Variants in N4BP2 observed in about 807,000 individuals in gnomAD.
The protein encoded by N4BP2 is NEDD4 binding protein 2, also known as NEDD4-binding protein 2.
A neutral mutation model predicts 152.8 loss-of-function variants in N4BP2; 91 were observed. The ratio of observed to expected loss-of-function variants is 0.60; its 90% CI spans 0.50 to 0.71. The LOEUF is 0.71. N4BP2 is among the 30% of genes least tolerant of loss of function. The pLI is 0.00. For missense variants in N4BP2, 1,923 were observed against 2,059.1 expected, an observed-to-expected ratio of 0.93 and a Z score of 1.28; for synonymous variants, 646 against 705.3, an observed-to-expected ratio of 0.92 and a Z score of 1.33.
Position 40,123,242 on chromosome 4 carries a change from C to A in N4BP2, c.4284+30C>A, listed in dbSNP as rs777200794. ...GTAGGCTTCTTTTTATAAAGAGCTC[C>A]TTTTTTGTCCATTTTGAACCTTTGA... On this transcript the variant is annotated intron_variant, in intron 10 of 17. Coordinates refer to ENST00000261435, the MANE Select transcript of N4BP2 (RefSeq NM_018177.6). 5.6e-6 allele frequency: 8 copies of A among 1,422,120 alleles called. No homozygotes were observed. In the African/African-American group the frequency reaches 9.9e-5, roughly 18 times the overall value. The allele number at this position is 1,422,120 out of a possible 1,614,324, so 88.1% of individuals were successfully genotyped here.
chr4:40,182,515 A>G, the N4BP2 span, among the ~76,000 whole-genome samples: 1 of 151,936 alleles, frequency 6.6e-6, no homozygotes, highest in Non-Finnish European at 1.5e-5. Flanking sequence ...CAGTGGCGGG[A>G]ACACAGCTCA....
In N4BP2 at chr4:40,120,264, G is replaced by A. The variant is rs1307273107; in HGVS notation, c.2153G>A (p.Ser718Asn). 1.2e-6 allele frequency: 2 copies of A among 1,613,764 alleles called. No homozygotes were observed. Among genetic ancestry groups the A allele is most frequent in the African/African-American group, 1.3e-5 (1 of 74,928 alleles). Reference protein sequence around the residue: ...VKGYSKTDTDSSMERVSPSTC... With the variant: ...VKGYSKTDTDNSMERVSPSTC... The stretch of plus-strand genomic sequence containing the variant: ...GGGTATAGTAAAACTGACACAGATA[G>A]TTCTATGGAGAGAGTATCACCTAGT... Residue 718 changes from serine (S) to asparagine (N), a missense_variant, in exon 9 of 18, where the codon AGT (serine) becomes AAT (asparagine). By Grantham distance (46) the Ser-to-Asn change is conservative. Transcript: ENST00000261435.
At chr4:40,139,881 G>A (rs1719757421) in intron 14 of N4BP2, among the ~76,000 whole-genome samples, 1 of 143,982 alleles carries the variant, frequency 6.9e-6, no homozygotes, top group South Asian at 2.2e-4. Flanking sequence ...CTGGAGTGCA[G>A]TGGCAGGATC....
At chr4:40,085,797 A>C (rs1713883426) in intron 2 of N4BP2, among the ~76,000 whole-genome samples, 2 of 152,122 alleles carry the variant, frequency 1.3e-5, no homozygotes, top group South Asian at 2.1e-4. Context: ...AGTGCTGTTG[A>C]TAGGTCTAGA....
chr4:40,170,489 C>A, the N4BP2 span, among the ~76,000 whole-genome samples: 8 of 152,104 alleles, frequency 5.3e-5, no homozygotes, highest in Non-Finnish European at 7.4e-5. Context: ...TGTGGTGGTG[C>A]GTGCCTTTAG....
At chr4:40,117,001 A>G (rs1325097833) in intron 7 of N4BP2, among the ~76,000 whole-genome samples, 1 of 152,078 alleles carries the variant, frequency 6.6e-6, no homozygotes, top group Non-Finnish European at 1.5e-5. Context: ...GTTGCTTTTA[A>G]TATCATCTCT....
rs192828996 is a variant in N4BP2 at position 40,118,289 on chromosome 4, G to A, written c.1820+265G>A. Among the ~76,000 whole-genome samples the A allele has an allele frequency of 1.3e-4, 20 of 152,266 alleles. No homozygotes were observed. The East Asian group carries it at 3.3e-3, about 25-fold the overall frequency. On this transcript the variant is annotated intron_variant, in intron 8 of 17. Coordinates refer to ENST00000261435, the MANE Select transcript of N4BP2 (RefSeq NM_018177.6). ...AAAATTAGCCTGGCTGGTGGCGCAT[G>A]CCTGCAATCTCAGCTGCTTGGGAGG...
Position 40,120,038 on chromosome 4 carries a change from G to A in N4BP2, c.1927G>A (p.Glu643Lys). The change falls in exon 9 of 18, where the codon GAA becomes AAA. Residue 643 changes from glutamate to lysine, a missense_variant. Transcript: ENST00000261435. Reference protein sequence around the residue: ...TEEKNLDVTKETMLPENVAYL... With the variant: ...TEEKNLDVTKKTMLPENVAYL... ...AGAGAAGAATCTTGATGTAACCAAA[G>A]AAACAATGTTACCTGAGAATGTTGC... The A allele has an allele frequency of 6.2e-7, 1 of 1,605,158 alleles. No individual in the cohort carries two copies. The highest frequency in any genetic ancestry group is 8.5e-7 in the Non-Finnish European group (1 of 1,172,678).
chr4:40,092,609 T>G (rs1307338558), intron 2 of N4BP2, among the ~76,000 whole-genome samples: 2 of 151,836 alleles, frequency 1.3e-5, no homozygotes, highest in Non-Finnish European at 2.9e-5. Context: ...CATTATTTTC[T>G]GTTTCCAATG....
rs1391054201 is a variant in N4BP2, at chr4:40,120,305, A to G, written c.2194A>G (p.Asn732Asp). 1 of 1,612,766 alleles carries G rather than the reference A, an allele frequency of 6.2e-7. No individual in the cohort carries two copies. Among genetic ancestry groups the G allele is most frequent in the Admixed American group, 1.7e-5 (1 of 59,536 alleles). ...ATCACCTAGTACTTGCTGTAGTGAA[A>G]ATAATCAAGAAGACTGTGATCTTGC... ...RVSPSTCCSE[N>D]NQEDCDLANS... Residue 732 changes from asparagine to aspartate, a missense_variant, in exon 9 of 18, where the codon AAT (asparagine) becomes GAT (aspartate). By Grantham distance (23) the Asn-to-Asp change is conservative. Transcript: ENST00000261435.
rs1419935901 is a variant in N4BP2, at chr4:40,057,861, C to T, written c.-212+831C>T. Among the ~76,000 whole-genome samples the T allele has an allele frequency of 4.6e-5, 7 of 152,166 alleles. No homozygotes were observed. The East Asian group carries it at 9.7e-4, about 21-fold the overall frequency. ...TGTTGGCTTCAAAGGCTCTTCCTTT[C>T]GGCGGCAGTCTTTGTAACTAGGATC... On this transcript the variant is annotated intron_variant, in intron 1 of 17. Transcript: ENST00000261435.
chr4:40,095,246 A>T (rs1034359835), intron 2 of N4BP2, among the ~76,000 whole-genome samples: 2 of 151,880 alleles, frequency 1.3e-5, no homozygotes, highest in East Asian at 1.9e-4. Context: ...ACGCCTGGCT[A>T]ATTTTTGTAT....
chr4:40,162,128 G>A (rs1579180250), downstream of N4BP2, among the ~76,000 whole-genome samples: 1 of 152,170 alleles, frequency 6.6e-6, no homozygotes, highest in Non-Finnish European at 1.5e-5. Flanking sequence ...AGAAACTATT[G>A]TATTCTAATA....
Position 40,117,854 on chromosome 4 carries a change from C to A in N4BP2, c.1665-15C>A. 6.3e-7 allele frequency: 1 copy of A among 1,576,152 alleles called. No individual in the cohort carries two copies. The highest frequency in any genetic ancestry group is 8.6e-7 in the Non-Finnish European group (1 of 1,163,330). ...TCAATATTCCTTCAACCCTTTTTTC[C>A]CCTGGAATTTTCAGGCGTAACATTC... is the stretch of plus-strand genomic sequence containing the variant. On this transcript the variant is annotated splice_polypyrimidine_tract_variant and intron_variant, in intron 7 of 17. Transcript: ENST00000261435.
chr4:40,108,636 A>G (rs187294245), intron 5 of N4BP2, among the ~76,000 whole-genome samples: 17 of 145,674 alleles, frequency 1.2e-4, no homozygotes, highest in Admixed American at 6.8e-4. Context: ...TTTATGGAAG[A>G]TAGTGTGAGA....
chr4:40,148,063 G>T (rs1281347168), intron 16 of N4BP2, among the ~76,000 whole-genome samples: 1 of 152,238 alleles, frequency 6.6e-6, no homozygotes, highest in Non-Finnish European at 1.5e-5. Context: ...CCGGGCAGAG[G>T]CTGCAATCTC....
At chr4:40,129,182 G>C (rs1391512896) in intron 12 of N4BP2, among the ~76,000 whole-genome samples, 1 of 151,964 alleles carries the variant, frequency 6.6e-6, no homozygotes, top group African/African-American at 2.4e-5. Context: ...CCAAGTAGCT[G>C]GGACTACAGG....
the N4BP2 span, chr4:40,167,257 A>G: frequency 6.6e-6 from 1 of 152,228 alleles, no homozygotes; most frequent in Non-Finnish European, 1.5e-5. Context: ...AGAGTGAAAT[A>G]CAAGAGAAAA....
In N4BP2 at chr4:40,120,256, C is replaced by T. The variant is rs762296019; in HGVS notation, c.2145C>T (p.Asp715=). The T allele has an allele frequency of 3.0e-5, 48 of 1,613,746 alleles. No homozygotes were observed. The highest frequency in any genetic ancestry group is 4.0e-5 in the Non-Finnish European group (47 of 1,179,932). ...CTGTAAAAGGGTATAGTAAAACTGA[C>T]ACAGATAGTTCTATGGAGAGAGTAT... ...MVAVKGYSKT[D]TDSSMERVSP... The change falls in exon 9 of 18, where the codon GAC becomes GAT. Residue 715 remains aspartate, a synonymous_variant. Transcript: ENST00000261435.
Sources: gnomAD v4.1 joint callset for allele counts (sites outside exome capture counted in the v4.1 genomes callset) on GRCh38, gnomAD v4.1.1 for gene constraint, MANE v1.5 for transcripts, NCBI Gene and HGNC (gene_info 2026-07-23, HGNC 2026-07-21) for gene names.